Variants in FARS2 observed in about 807,000 individuals in gnomAD.
The protein encoded by FARS2 is phenylalanyl-tRNA synthetase 2, mitochondrial.
Under a neutral mutation model 46.4 loss-of-function variants are expected in FARS2, and 40 were observed. The ratio of observed to expected loss-of-function variants is 0.86; its 90% confidence interval spans 0.67 to 1.12. FARS2 has a LOEUF of 1.12. FARS2 is among the 50% of genes most tolerant of loss of function. FARS2 has a pLI of 0.00. For synonymous variants in FARS2, 234 were observed against 214.9 expected, an observed-to-expected ratio of 1.09 and a Z score of -0.78; for missense variants, 513 against 567.9, an observed-to-expected ratio of 0.90 and a Z score of 0.98.
At chr6:5,754,404 C>T (rs6930730) in intron 6 of FARS2, among the ~76,000 whole-genome samples, 2,197 of 152,290 alleles carry the variant, frequency 0.014, 42 homozygotes, top group African/African-American at 0.048. Context: ...GGCACTTCTG[C>T]GAAAACCATC....
At chr6:5,493,227 A>G (rs1054766330) in intron 4 of FARS2, among the ~76,000 whole-genome samples, 1 of 151,282 alleles carries the variant, frequency 6.6e-6, no homozygotes, top group African/African-American at 2.4e-5. Context: ...AAAAAAAAAA[A>G]AGAAAAAGAA....
At chr6:5,503,405 CAGAGAGAGAG>C (rs869089548) in intron 4 of FARS2, among the ~76,000 whole-genome samples, 53 of 39,612 alleles carry the variant, frequency 1.3e-3, no homozygotes, top group East Asian at 0.012. Flanking sequence ...CACACACACA[CAGAGAGAGAG>C]AGAGAGAGAG....
chr6:5,464,801 AAG>A (rs1198580759), intron 4 of FARS2, among the ~76,000 whole-genome samples: 7 of 152,254 alleles, frequency 4.6e-5, no homozygotes. Flanking sequence ...GAAAGAAAGA[AAG>A]AAAGAAATTG....
chr6:5,606,219 C>G (rs181988875), intron 5 of FARS2, among the ~76,000 whole-genome samples: 2 of 151,930 alleles, frequency 1.3e-5, no homozygotes, highest in Admixed American at 6.6e-5. Flanking sequence ...AAGATAAATG[C>G]AGACCCAGCC....
At chr6:5,390,566 G>C (rs535503812) in intron 2 of FARS2, among the ~76,000 whole-genome samples, 2 of 152,248 alleles carry the variant, frequency 1.3e-5, no homozygotes, top group East Asian at 1.9e-4. Flanking sequence ...CTGTGTGAAG[G>C]CTTTCTTGTG....
chr6:5,492,786 A>T (rs910588742), intron 4 of FARS2, among the ~76,000 whole-genome samples: 2 of 152,252 alleles, frequency 1.3e-5, no homozygotes, highest in African/African-American at 2.4e-5. Flanking sequence ...GAGATGCACC[A>T]CTGTGCCCGG....
At chr6:5,769,874 C>T (rs924050676) in intron 6 of FARS2, among the ~76,000 whole-genome samples, 2 of 152,154 alleles carry the variant, frequency 1.3e-5, no homozygotes, top group Non-Finnish European at 2.9e-5. Flanking sequence ...AGCATAGCAG[C>T]TTATCTTCCC....
chr6:5,683,215 T>C (rs1184040699), intron 6 of FARS2, among the ~76,000 whole-genome samples: 3 of 152,076 alleles, frequency 2.0e-5, no homozygotes, highest in Non-Finnish European at 4.4e-5. Flanking sequence ...TGGCCTGGAC[T>C]GGGAGGGCGG....
chr6:5,597,286 A>G (rs1774254960), intron 5 of FARS2, among the ~76,000 whole-genome samples: 1 of 152,172 alleles, frequency 6.6e-6, no homozygotes, highest in Non-Finnish European at 1.5e-5. Context: ...GTCTTTGGGA[A>G]GGGGAGAGTG....
intron 1 of FARS2, among the ~76,000 whole-genome samples, chr6:5,309,231 T>C (rs181075601): frequency 2.0e-5 from 3 of 152,224 alleles, no homozygotes; most frequent in Admixed American, 6.5e-5. Flanking sequence ...ATGAGGCATA[T>C]ATTGCAGATA....
At chr6:5,460,477 AG>A (rs768101361) in intron 4 of FARS2, among the ~76,000 whole-genome samples, 45 of 152,310 alleles carry the variant, frequency 3.0e-4, no homozygotes, top group Non-Finnish European at 5.7e-4. Flanking sequence ...GAAGGGCTGG[AG>A]GAGTGGGCTT....
At chr6:5,585,533 TTTTAAAGATTTCTCATGTAAGTGAGA>T (rs1773566679) in intron 5 of FARS2, among the ~76,000 whole-genome samples, 1 of 152,086 alleles carries the variant, frequency 6.6e-6, no homozygotes, top group Non-Finnish European at 1.5e-5. Context: ...TAGTTCAACT[TTTTAAAGATTTCTCATGTAAGTGAGA>T]TCATGTACTA....
chr6:5,526,888 A>T lies in FARS2; in HGVS notation c.905-18292A>T, dbSNP rs558679642. On this transcript the variant is annotated intron_variant, in intron 4 of 6. Coordinates refer to ENST00000274680, the MANE Select transcript of FARS2 (RefSeq NM_006567.5). Reference sequence around the variant, plus strand: ...CGCCTCAGCCTCCCAAAGTGCTGGGATTACAGGTGTGAGCCGCCACGTCTG... The same window carrying T: ...CGCCTCAGCCTCCCAAAGTGCTGGGTTTACAGGTGTGAGCCGCCACGTCTG... 2.0e-5 allele frequency among the ~76,000 whole-genome samples: 3 copies of T among 152,312 alleles called. No individual in the cohort carries two copies. In the East Asian group the frequency reaches 5.8e-4, roughly 29 times the overall value.
chr6:5,505,385 T>G lies in FARS2; in HGVS notation c.905-39795T>G, dbSNP rs571942070. ...CCACTCCAACTTGGACAGTTGTCTG[T>G]CTGGCAATGGTCCCCTCACTGTGGA... On this transcript the variant is annotated intron_variant, in intron 4 of 6. Transcript: ENST00000274680. Among the ~76,000 whole-genome samples, 27 of 152,314 alleles carry G rather than the reference T, an allele frequency of 1.8e-4. No homozygotes were observed. In the South Asian group the frequency reaches 5.6e-3, roughly 32 times the overall value.
intron 1 of FARS2, among the ~76,000 whole-genome samples, chr6:5,304,876 G>A (rs1680206051): frequency 1.3e-5 from 2 of 152,334 alleles, no homozygotes; most frequent in South Asian, 4.1e-4. Context: ...AAGGTGAGTT[G>A]ACAAGAGTGT....
intron 5 of FARS2, among the ~76,000 whole-genome samples, chr6:5,564,302 CCAAA>C (rs750643672): frequency 7.0e-4 from 107 of 152,182 alleles, no homozygotes; most frequent in East Asian, 1.2e-3. Context: ...TTTTATTTTC[CCAAA>C]CAAAGAAACC....
At chr6:5,568,603 C>A (rs1034861736) in intron 5 of FARS2, among the ~76,000 whole-genome samples, 1 of 152,078 alleles carries the variant, frequency 6.6e-6, no homozygotes, top group Non-Finnish European at 1.5e-5. Flanking sequence ...GTCCTGGAGG[C>A]GTGAGACAGC....
At chr6:5,729,072 A>G in intron 6 of FARS2, among the ~76,000 whole-genome samples, 1 of 152,190 alleles carries the variant, frequency 6.6e-6, no homozygotes, top group East Asian at 1.9e-4. Flanking sequence ...GTGCTCACTC[A>G]TACTGCAGAT....
chr6:5,533,414 A>G (rs1224713104), intron 4 of FARS2, among the ~76,000 whole-genome samples: 1 of 152,250 alleles, frequency 6.6e-6, no homozygotes. Context: ...AATACTATCC[A>G]TTTAAATTAA....
Sources: allele counts gnomAD v4.1 joint callset (sites outside exome capture counted in the v4.1 genomes callset), GRCh38; gene constraint gnomAD v4.1.1; transcripts MANE v1.5; gene names NCBI Gene and HGNC (gene_info 2026-07-23, HGNC 2026-07-21).